CTNNA3: variants seen among roughly 807,000 people sequenced by gnomAD.
The protein encoded by CTNNA3 is catenin alpha-3.
A neutral mutation model predicts 95.7 loss-of-function variants in CTNNA3; 76 were observed. The ratio of observed to expected loss-of-function variants is 0.79; its 90% confidence interval spans 0.66 to 0.96. The LOEUF is 0.96. Ranked by LOEUF, CTNNA3 falls within the 40% of genes least tolerant of loss-of-function variation. The pLI, the probability that CTNNA3 is intolerant of heterozygous loss-of-function variation, is 0.00. For missense variants in CTNNA3, 1,191 were observed against 1,089.8 expected, an observed-to-expected ratio of 1.09 and a Z score of -1.31; for synonymous variants, 431 against 374.4, an observed-to-expected ratio of 1.15 and a Z score of -1.74.
At chr10:66,718,079 T>C (rs990975105) in intron 9 of CTNNA3, among the ~76,000 whole-genome samples, 3 of 151,948 alleles carry the variant, frequency 2.0e-5, no homozygotes, top group Admixed American at 2.0e-4. Context: ...GGCACCAAAC[T>C]TTTATAGTTT....
At chr10:67,148,355 T>C (rs908171914) in intron 7 of CTNNA3, among the ~76,000 whole-genome samples, 2 of 152,212 alleles carry the variant, frequency 1.3e-5, no homozygotes, top group African/African-American at 2.4e-5. Context: ...CTTCTCCATG[T>C]GTGCCCAAGC....
intron 7 of CTNNA3, among the ~76,000 whole-genome samples, chr10:66,904,638 C>T (rs1300170233): frequency 1.3e-5 from 2 of 152,100 alleles, no homozygotes; most frequent in Non-Finnish European, 2.9e-5. Context: ...GGCTTATATC[C>T]AGAATCTACA....
chr10:67,492,002 A>C (rs905616544), intron 5 of CTNNA3, among the ~76,000 whole-genome samples: 1 of 152,116 alleles, frequency 6.6e-6, no homozygotes, highest in Non-Finnish European at 1.5e-5. Context: ...TAAAATCTTG[A>C]ATTGAAGAGA....
At chr10:67,562,502 G>C (rs1008647071) in intron 3 of CTNNA3, among the ~76,000 whole-genome samples, 69 of 152,210 alleles carry the variant, frequency 4.5e-4, no homozygotes, top group Non-Finnish European at 8.7e-4. Flanking sequence ...AATAATAAGA[G>C]CTATCTATGA....
chr10:66,102,526 C>A (rs938830593), intron 14 of CTNNA3, among the ~76,000 whole-genome samples: 1 of 152,158 alleles, frequency 6.6e-6, no homozygotes. Flanking sequence ...TGCTGTACTA[C>A]GTGGGTTTCA....
intron 9 of CTNNA3, among the ~76,000 whole-genome samples, chr10:66,720,914 T>C (rs1848608238): frequency 1.3e-5 from 2 of 151,986 alleles, no homozygotes; most frequent in African/African-American, 4.8e-5. Flanking sequence ...AGAATGGGAG[T>C]GTTGATCAGG....
intron 7 of CTNNA3, among the ~76,000 whole-genome samples, chr10:67,031,508 T>TA (rs777582849): frequency 5.1e-4 from 77 of 152,170 alleles, no homozygotes; most frequent in Non-Finnish European, 8.2e-4. Context: ...TCCTGATAAT[T>TA]AAAAAGGAAT....
At chr10:66,528,124 T>C (rs1227038673) in intron 10 of CTNNA3, among the ~76,000 whole-genome samples, 1 of 152,100 alleles carries the variant, frequency 6.6e-6, no homozygotes, top group Non-Finnish European at 1.5e-5. Context: ...AAGGGCTGTG[T>C]TTGATCCTCA....
At chr10:67,525,112 A>T (rs1294528975) in intron 4 of CTNNA3, among the ~76,000 whole-genome samples, 1 of 152,092 alleles carries the variant, frequency 6.6e-6, no homozygotes, top group African/African-American at 2.4e-5. Context: ...ATTTAAAATG[A>T]GCCAAAAACC....
At chr10:66,258,363 C>G (rs981742032) in intron 13 of CTNNA3, among the ~76,000 whole-genome samples, 1 of 152,196 alleles carries the variant, frequency 6.6e-6, no homozygotes, top group Non-Finnish European at 1.5e-5. Flanking sequence ...TTAAACATGA[C>G]AACTCCAGGA....
intron 13 of CTNNA3, among the ~76,000 whole-genome samples, chr10:66,225,733 C>G (rs2089249104): frequency 6.6e-6 from 1 of 151,586 alleles, no homozygotes. Context: ...ACATCCTCAC[C>G]AACATTTCTG....
chr10:66,070,038 A>G (rs1382204989), intron 14 of CTNNA3, among the ~76,000 whole-genome samples: 1 of 152,200 alleles, frequency 6.6e-6, no homozygotes, highest in African/African-American at 2.4e-5. Context: ...TGAATGTTCC[A>G]TAAATGGTAG....
chr10:67,112,111 T>C (rs766059692), intron 7 of CTNNA3, among the ~76,000 whole-genome samples: 1 of 152,168 alleles, frequency 6.6e-6, no homozygotes, highest in African/African-American at 2.4e-5. Flanking sequence ...ATGGAAATAA[T>C]GAACAACTGA....
At chr10:67,100,235 G>C (rs186632378) in intron 7 of CTNNA3, among the ~76,000 whole-genome samples, 1 of 151,576 alleles carries the variant, frequency 6.6e-6, no homozygotes, top group Non-Finnish European at 1.5e-5. Context: ...TAAAGTGAAC[G>C]ACTATAAATA....
At chr10:67,683,357 G>C (rs1840663807) in intron 1 of CTNNA3, among the ~76,000 whole-genome samples, 1 of 152,114 alleles carries the variant, frequency 6.6e-6, no homozygotes, top group African/African-American at 2.4e-5. Context: ...GTCTATTTTT[G>C]GTTCACTGGT....
intron 5 of CTNNA3, among the ~76,000 whole-genome samples, chr10:67,452,729 T>C (rs945900328): frequency 1.3e-5 from 2 of 152,142 alleles, no homozygotes; most frequent in African/African-American, 4.8e-5. Flanking sequence ...TAATGAAACT[T>C]GTCTTGAAGA....
intron 9 of CTNNA3, among the ~76,000 whole-genome samples, chr10:66,676,969 C>G (rs1846880652): frequency 6.6e-6 from 1 of 152,030 alleles, no homozygotes; most frequent in Admixed American, 6.6e-5. Context: ...TAAGCAGAAA[C>G]CCAAGCCACA....
At position 67,057,290 on chromosome 10, in the gene CTNNA3, T is replaced by C. The variant is rs115455179; in HGVS notation, c.1047+123027A>G. ...TACTGTGTGTGTGTGCTGAGAATAC[T>C]TAGGTTCCACTTTCTTAGCATATGT... is the stretch of plus-strand genomic sequence containing the variant. On this transcript the variant is annotated intron_variant, in intron 7 of 17. Transcript: ENST00000433211. Among the ~76,000 whole-genome samples, 748 of 152,238 alleles carry C rather than the reference T, an allele frequency of 4.9e-3. 3 individuals are homozygous for C. The highest frequency in any genetic ancestry group is 0.017 in the African/African-American group (708 of 41,560).
At position 67,606,875 on chromosome 10, in the gene CTNNA3, C is replaced by T; in HGVS notation, c.274G>A (p.Glu92Lys). ...VLKDELTASL[E>K]EVRKESEALK... ...TACTCACTTTCTTTGCGAACTTCCT[C>T]AAGTGAAGCCGTAAGCTCATCCTTT... The change falls in exon 3 of 18, where the codon GAG (glutamate) becomes AAG (lysine). Residue 92 changes from glutamate to lysine, a missense_variant. Coordinates refer to ENST00000433211, the MANE Select transcript of CTNNA3 (RefSeq NM_013266.4). 1 of 1,613,454 alleles carries T rather than the reference C, an allele frequency of 6.2e-7. No homozygotes were observed. The highest frequency in any genetic ancestry group is 8.5e-7 in the Non-Finnish European group (1 of 1,179,686).
Sources: gnomAD v4.1 joint callset for allele counts (sites outside exome capture counted in the v4.1 genomes callset) on GRCh38, gnomAD v4.1.1 for gene constraint, MANE v1.5 for transcripts, NCBI Gene and HGNC (gene_info 2026-07-23, HGNC 2026-07-21) for gene names.